Variants in RIOX2 observed in about 807,000 individuals in gnomAD.
RIOX2 encodes ribosomal oxygenase 2.
A neutral mutation model predicts 51.2 loss-of-function variants in RIOX2; 43 were observed. The ratio of observed to expected loss-of-function variants is 0.84; its 90% confidence interval spans 0.66 to 1.08. RIOX2 has a LOEUF of 1.08. Ranked by LOEUF, RIOX2 falls within the 50% of genes least tolerant of loss-of-function variation. RIOX2 has a pLI of 0.00. For missense variants in RIOX2, 566 were observed against 561.7 expected, an observed-to-expected ratio of 1.01 and a Z score of -0.08; for synonymous variants, 226 against 218.5, an observed-to-expected ratio of 1.03 and a Z score of -0.30.
chr3:97,942,781 G>A lies in RIOX2; in HGVS notation c.*2403C>T. The A allele has an allele frequency of 4.4e-6, 1 of 224,762 alleles. No individual in the cohort carries two copies. Among genetic ancestry groups the A allele is most frequent in the Non-Finnish European group, 8.5e-6 (1 of 117,430 alleles). 13.9% of individuals were successfully genotyped at this position (224,762 alleles called of 1,614,324 possible). A position where few individuals can be genotyped will look rare whatever the true frequency, so the allele number is the denominator to read the frequency against. On this transcript the variant is annotated 3_prime_UTR_variant, in exon 10 of 10. Transcript: ENST00000394198. ...TAGCTTTTTGCCAGGAATTGCCATGGTCCTTAAAAACCCTCAGGTAGAATT... is the reference window on the plus strand; with the variant it reads ...TAGCTTTTTGCCAGGAATTGCCATGATCCTTAAAAACCCTCAGGTAGAATT...
intron 7 of RIOX2, among the ~76,000 whole-genome samples, chr3:97,947,701 A>G (rs1201717014): frequency 6.6e-6 from 1 of 152,214 alleles, no homozygotes. Flanking sequence ...TACAATAAAT[A>G]GACAAAAATA....
chr3:97,946,461 C>T (rs2040359971), intron 8 of RIOX2, among the ~76,000 whole-genome samples: 1 of 151,630 alleles, frequency 6.6e-6, no homozygotes, highest in South Asian at 2.1e-4. Context: ...TTTAGTCATT[C>T]TTTGTCACCT....
At chr3:97,953,386 T>C (rs142955278) in intron 5 of RIOX2, among the ~76,000 whole-genome samples, 336 of 152,264 alleles carry the variant, frequency 2.2e-3, no homozygotes, top group Admixed American at 5.2e-3. Flanking sequence ...ACTAGTATTT[T>C]TTTTTTTTTC....
intron 2 of RIOX2, among the ~76,000 whole-genome samples, chr3:97,963,090 AGAAAGAACTG>A (rs1705746885): frequency 6.6e-6 from 1 of 152,208 alleles, no homozygotes; most frequent in South Asian, 2.1e-4. Flanking sequence ...ATATCAAGTG[AGAAAGAACTG>A]GGAAGAACTG....
chr3:97,967,755 AAG>A (rs1705949468), intron 1 of RIOX2, 123 bp from the exon 2 acceptor site: 1 of 655,112 alleles, frequency 1.5e-6, no homozygotes, highest in Non-Finnish European at 2.5e-6. Context: ...TCATAGGTCA[AAG>A]CTACTTCCCC....
chr3:97,943,477 G>GAAAAGCTCAAAATATTCTTGCCATT lies in RIOX2; in HGVS notation c.*1682_*1706dup, dbSNP rs2040279253. On this transcript the variant is annotated 3_prime_UTR_variant, in exon 10 of 10. Transcript: ENST00000394198. ...TCTGAGACTATCGCTCTTAACCATG[G>GAAAAGCTCAAAATATTCTTGCCATT]AAAAGCTCAAAATATTCTTGCCATT... 1.6e-5 allele frequency: 9 copies of GAAAAGCTCAAAATATTCTTGCCATT among 577,180 alleles called. No homozygotes were observed. The East Asian group carries it at 3.0e-4, about 19-fold the overall frequency. 35.8% of individuals were successfully genotyped at this position (577,180 alleles called of 1,614,324 possible). A position where few individuals can be genotyped will look rare whatever the true frequency, so the allele number is the denominator to read the frequency against.
At chr3:97,965,794 C>T (rs1255992038) in intron 2 of RIOX2, among the ~76,000 whole-genome samples, 1 of 152,198 alleles carries the variant, frequency 6.6e-6, no homozygotes, top group Non-Finnish European at 1.5e-5. Flanking sequence ...GACCAAAGTA[C>T]ACGTAATCAA....
At chr3:97,957,678 T>C (rs1014995896) in intron 4 of RIOX2, among the ~76,000 whole-genome samples, 1 of 152,112 alleles carries the variant, frequency 6.6e-6, no homozygotes, top group Non-Finnish European at 1.5e-5. Flanking sequence ...TAAAGGCCAC[T>C]ATGAAGCCTG....
chr3:97,968,318 G>T (rs889330598), intron 1 of RIOX2, among the ~76,000 whole-genome samples: 1 of 152,088 alleles, frequency 6.6e-6, no homozygotes, highest in Non-Finnish European at 1.5e-5. Flanking sequence ...GCCCCTAAAG[G>T]CTGAAAAGTG....
At chr3:97,961,856 G>A (rs896319775) in intron 2 of RIOX2, 148 bp from the exon 3 acceptor site, 6 of 860,472 alleles carry the variant, frequency 7.0e-6, no homozygotes, top group Non-Finnish European at 1.0e-5. Context: ...CAATGATACA[G>A]CCAATACCCA....
intron 4 of RIOX2, 150 bp downstream of exon 4, chr3:97,958,901 G>T: frequency 6.8e-6 from 5 of 736,296 alleles, no homozygotes; most frequent in Non-Finnish European, 1.0e-5. Flanking sequence ...CTGGCTGACA[G>T]CAATGAGAAG....
At chr3:97,961,547 A>G (rs780599446) in intron 3 of RIOX2, 42 bp downstream of exon 3, 1 of 1,564,918 alleles carries the variant, frequency 6.4e-7, no homozygotes, top group Admixed American at 2.0e-5. Context: ...GCTCTCAACA[A>G]CTCATTCTTC....
chr3:97,967,681 C>CATTG, intron 1 of RIOX2, 49 bp from the exon 2 acceptor site: 1 of 1,347,484 alleles, frequency 7.4e-7, no homozygotes, highest in Non-Finnish European at 1.0e-6. Context: ...GGAGTGCCAG[C>CATTG]ATTGGTGTTA....
At chr3:97,957,517 A>T (rs1277075851) in intron 4 of RIOX2, among the ~76,000 whole-genome samples, 2 of 136,040 alleles carry the variant, frequency 1.5e-5, no homozygotes, top group Non-Finnish European at 3.2e-5. Flanking sequence ...AAAAAAAATG[A>T]CATGCACATA....
chr3:97,963,548 C>T (rs1705761638), intron 2 of RIOX2, among the ~76,000 whole-genome samples: 1 of 152,074 alleles, frequency 6.6e-6, no homozygotes, highest in African/African-American at 2.4e-5. Context: ...TCCAAAAGGG[C>T]CTAATCTATT....
At chr3:97,965,684 G>A (rs1440725651) in intron 2 of RIOX2, among the ~76,000 whole-genome samples, 1 of 152,170 alleles carries the variant, frequency 6.6e-6, no homozygotes, top group Non-Finnish European at 1.5e-5. Flanking sequence ...TTAAGTGGAT[G>A]AGCAGAGAAA....
intron 2 of RIOX2, 139 bp from the exon 3 acceptor site, chr3:97,961,847 A>T (rs1705690105): frequency 9.7e-6 from 9 of 932,414 alleles, no homozygotes; most frequent in Non-Finnish European, 1.4e-5. Context: ...GGAATTATGC[A>T]ATGATACAGC....
rs1365203984 is a variant in RIOX2, at chr3:97,945,203, CATTCTGTCCAGA to C, written c.1367_1378del (p.Leu456_Cys460delinsArg). ...AAGGCACTAGACTACTTGAATTAAA[CATTCTGTCCAGA>C]GGGATAATACCAGGCTTTCCTTTTC... On this transcript the variant is annotated inframe_deletion, in exon 10 of 10. Transcript: ENST00000394198. The C allele has an allele frequency of 6.2e-7, 1 of 1,609,788 alleles. No homozygotes were observed. Among genetic ancestry groups the C allele is most frequent in the South Asian group, 1.1e-5 (1 of 90,202 alleles).
intron 3 of RIOX2, 32 bp downstream of exon 3, chr3:97,961,557 C>G (rs1220219255): frequency 6.4e-7 from 1 of 1,574,218 alleles, no homozygotes; most frequent in Non-Finnish European, 8.6e-7. Flanking sequence ...ACTCATTCTT[C>G]CCAACATGGG....
Sources: gnomAD v4.1 joint callset for allele counts (sites outside exome capture counted in the v4.1 genomes callset) on GRCh38, gnomAD v4.1.1 for gene constraint, MANE v1.5 for transcripts, NCBI Gene and HGNC (gene_info 2026-07-23, HGNC 2026-07-21) for gene names.